CUL1: variants seen among roughly 807,000 people sequenced by gnomAD.
The protein encoded by CUL1 is cullin-1.
CUL1 carries 24 observed loss-of-function variants against 118.0 expected under a neutral mutation model. The ratio of observed to expected loss-of-function variants is 0.20; its 90% CI spans 0.15 to 0.29. The LOEUF (loss-of-function observed/expected upper bound fraction) is 0.29, where lower values mean the gene tolerates loss of function less well. Among genes scored for constraint, CUL1 ranks in the 10% least tolerant of loss-of-function variants. The pLI is 1.00. For synonymous variants in CUL1, 332 were observed against 340.4 expected, an observed-to-expected ratio of 0.98 and a Z score of 0.27; for missense variants, 361 against 933.8, an observed-to-expected ratio of 0.39 and a Z score of 7.99.
At chr7:148,710,887 C>T (rs980163668) in intron 1 of CUL1, among the ~76,000 whole-genome samples, 29 of 151,946 alleles carry the variant, frequency 1.9e-4, no homozygotes, top group Admixed American at 1.8e-3. Context: ...AGGCTGGTCT[C>T]GAACTCCTGA....
chr7:148,714,806 A>G (rs1798162405), intron 1 of CUL1, among the ~76,000 whole-genome samples: 1 of 152,244 alleles, frequency 6.6e-6, no homozygotes, highest in East Asian at 1.9e-4. Flanking sequence ...GCATACCTCC[A>G]GCTGAGAGAC....
rs966238092 is a variant in CUL1 at position 148,707,620 on chromosome 7, C to T, written c.-162+8591C>T. ...AGGTATTAAGCCCTGCATACATTAG[C>T]TGTTTTCCCTGGTGTTGGTCCCCAC... On this transcript the variant is annotated intron_variant, in intron 1 of 21. Transcript: ENST00000325222. Among the ~76,000 whole-genome samples, 5 of 152,088 alleles carry T rather than the reference C, an allele frequency of 3.3e-5. No homozygotes were observed. The South Asian group carries it at 6.2e-4, about 19-fold the overall frequency.
intron 15 of CUL1, among the ~76,000 whole-genome samples, chr7:148,790,097 C>T (rs933551757): frequency 6.6e-6 from 1 of 152,236 alleles, no homozygotes; most frequent in Non-Finnish European, 1.5e-5. Flanking sequence ...CCTCGATGGA[C>T]CTGCTGGTCT....
intron 4 of CUL1, among the ~76,000 whole-genome samples, chr7:148,758,638 T>G (rs1340119756): frequency 1.3e-5 from 2 of 152,256 alleles, no homozygotes; most frequent in East Asian, 3.9e-4. Context: ...AAAAGCATAA[T>G]GTATCCCAGA....
intron 17 of CUL1, among the ~76,000 whole-genome samples, chr7:148,794,520 T>C (rs1469174821): frequency 1.3e-5 from 2 of 152,204 alleles, no homozygotes; most frequent in Admixed American, 6.5e-5. Flanking sequence ...CGTTTTATTT[T>C]CCCCCAAGAT....
intron 15 of CUL1, 74 bp downstream of exon 15, chr7:148,789,900 G>T: frequency 7.3e-7 from 1 of 1,370,836 alleles, no homozygotes. Flanking sequence ...ACTGTGGAAG[G>T]GGACAGGCCT....
intron 2 of CUL1, among the ~76,000 whole-genome samples, chr7:148,736,780 A>G (rs1260348631): frequency 6.6e-6 from 1 of 152,270 alleles, no homozygotes; most frequent in East Asian, 1.9e-4. Flanking sequence ...ACTGCTATTA[A>G]AAACACAATG....
At chr7:148,740,268 T>A (rs887543608) in intron 2 of CUL1, among the ~76,000 whole-genome samples, 4 of 152,140 alleles carry the variant, frequency 2.6e-5, no homozygotes, top group African/African-American at 4.8e-5. Flanking sequence ...TTGGCCAGGC[T>A]GGTCTTGAAC....
At chr7:148,780,142 T>C (rs960507775) in intron 9 of CUL1, among the ~76,000 whole-genome samples, 3 of 152,146 alleles carry the variant, frequency 2.0e-5, no homozygotes, top group African/African-American at 7.2e-5. Flanking sequence ...GTTAGTTCTG[T>C]CCTTCTAGGG....
intron 9 of CUL1, among the ~76,000 whole-genome samples, chr7:148,777,707 A>G (rs984704865): frequency 6.6e-6 from 1 of 152,004 alleles, no homozygotes; most frequent in African/African-American, 2.4e-5. Flanking sequence ...ATTTAGACCA[A>G]TAGAGGCTTT....
At chr7:148,739,932 G>A (rs1360632933) in intron 2 of CUL1, among the ~76,000 whole-genome samples, 1 of 152,060 alleles carries the variant, frequency 6.6e-6, no homozygotes, top group Non-Finnish European at 1.5e-5. Context: ...AATTTCCCCT[G>A]TGTGGATATC....
At chr7:148,741,164 GT>G (rs1223108713) in intron 2 of CUL1, among the ~76,000 whole-genome samples, 1 of 132,176 alleles carries the variant, frequency 7.6e-6, no homozygotes, top group Non-Finnish European at 1.6e-5. Context: ...GTGATGGACA[GT>G]TGGGTTATTT....
intron 2 of CUL1, among the ~76,000 whole-genome samples, chr7:148,744,897 T>C (rs1461300689): frequency 6.6e-6 from 1 of 151,626 alleles, no homozygotes; most frequent in Non-Finnish European, 1.5e-5. Flanking sequence ...TCTTTCAGCA[T>C]TTTTTTTTCT....
chr7:148,738,631 A>T (rs1008195754), intron 2 of CUL1, among the ~76,000 whole-genome samples: 4 of 152,174 alleles, frequency 2.6e-5, no homozygotes, highest in African/African-American at 9.7e-5. Flanking sequence ...TAAAAGTCAA[A>T]TGTATGGGTT....
At chr7:148,779,336 G>A (rs892851235) in intron 9 of CUL1, among the ~76,000 whole-genome samples, 1 of 152,214 alleles carries the variant, frequency 6.6e-6, no homozygotes, top group African/African-American at 2.4e-5. Flanking sequence ...ACACTGAGAT[G>A]TACCCAGCAA....
chr7:148,795,630 C>T (rs1273042396), intron 17 of CUL1, among the ~76,000 whole-genome samples: 2 of 151,882 alleles, frequency 1.3e-5, no homozygotes, highest in Non-Finnish European at 2.9e-5. Flanking sequence ...ATTAGCCGGG[C>T]GTGGTGGCAG....
chr7:148,783,589 T>TCA, intron 9 of CUL1, 194 bp from the exon 10 acceptor site: 2 of 1,497,466 alleles, frequency 1.3e-6, no homozygotes, highest in Non-Finnish European at 1.8e-6. Flanking sequence ...GTTTTTTCTT[T>TCA]TATATATATA....
At chr7:148,757,217 C>T (rs1213813736) in intron 4 of CUL1, 67 bp downstream of exon 4, 1 of 1,075,112 alleles carries the variant, frequency 9.3e-7, no homozygotes, top group African/African-American at 1.6e-5. Flanking sequence ...GGCAAATTGT[C>T]TTTCAGCAAG....
chr7:148,797,773 A>G (rs1051392560), intron 17 of CUL1, 39 bp from the exon 18 acceptor site: 1 of 1,560,366 alleles, frequency 6.4e-7, no homozygotes, highest in South Asian at 1.1e-5. Context: ...AGAAAAATGC[A>G]TTTTCCCTTT....
Sources: gnomAD v4.1 joint callset for allele counts (sites outside exome capture counted in the v4.1 genomes callset) on GRCh38, gnomAD v4.1.1 for gene constraint, MANE v1.5 for transcripts, NCBI Gene and HGNC (gene_info 2026-07-23, HGNC 2026-07-21) for gene names.